TMPRSS12: variants seen among roughly 807,000 people sequenced by gnomAD.
TMPRSS12 encodes the protein transmembrane serine protease 12, also known as transmembrane protease serine 12.
A neutral mutation model predicts 26.0 loss-of-function variants in TMPRSS12; 25 were observed. The observed-to-expected ratio is 0.96, with a 90% CI of 0.70 to 1.34. The LOEUF is 1.34. Among genes scored for constraint, TMPRSS12 ranks in the 40% most tolerant of loss-of-function variants. The pLI is 0.00. For synonymous variants in TMPRSS12, 150 were observed against 161.7 expected (o/e 0.93, Z 0.55); for missense variants, 441 against 440.1 (o/e 1.00, Z -0.02).
Position 50,887,382 on chromosome 12 carries a change from C to A in TMPRSS12, c.916C>A (p.Pro306Thr). ...RRGFPGVYIG[P>T]SFYQKWLTEH... Reference sequence around the variant, plus strand: ...AGGTTTTCCTGGTGTCTATATTGGGCCATCCTTCTACCAAAAGTGGCTGAC... The same window carrying A: ...AGGTTTTCCTGGTGTCTATATTGGGACATCCTTCTACCAAAAGTGGCTGAC... Residue 306 changes from proline (P) to threonine (T), a missense_variant, in exon 5 of 5, where the codon CCA becomes ACA. By Grantham distance (38) the Pro-to-Thr change is conservative (BLOSUM62 -1). Transcript: ENST00000398458. 1.2e-6 allele frequency: 2 copies of A among 1,613,874 alleles called. No individual in the cohort carries two copies. Among genetic ancestry groups the A allele is most frequent in the South Asian group, 2.2e-5 (2 of 91,078 alleles).
chr12:50,885,251 G>T lies in TMPRSS12; in HGVS notation c.658G>T (p.Ala220Ser). The T allele has an allele frequency of 6.3e-7, 1 of 1,590,942 alleles. No homozygotes were observed. Among genetic ancestry groups the T allele is most frequent in the Middle Eastern group, 1.7e-4 (1 of 5,938 alleles). The change falls in exon 4 of 5, where the codon GCT becomes TCT. Residue 220 changes from alanine to serine, a missense_variant. Ala to Ser is a moderately conservative substitution (Grantham distance 99). Coordinates refer to ENST00000398458, the MANE Select transcript of TMPRSS12 (RefSeq NM_182559.3). ...GWGRTKEEGN[A>S]TNILQDAEVH... ...CTGGTATTTTTTGTTAACAGGTAAC[G>T]CTACAAATATTTTACAAGATGCAGA...
At chr12:50,850,575 G>T (rs1425216824) in intron 2 of TMPRSS12, among the ~76,000 whole-genome samples, 1 of 152,118 alleles carries the variant, frequency 6.6e-6, no homozygotes. Context: ...GCAAAACCCT[G>T]TCTAAAAAAA....
intron 3 of TMPRSS12, among the ~76,000 whole-genome samples, chr12:50,867,460 C>A (rs1258172072): frequency 6.6e-6 from 1 of 152,104 alleles, no homozygotes; most frequent in Non-Finnish European, 1.5e-5. Context: ...ACAAAGCCTC[C>A]AAGAAGTCTG....
chr12:50,849,796 A>T (rs997422509), intron 2 of TMPRSS12, among the ~76,000 whole-genome samples: 5 of 152,104 alleles, frequency 3.3e-5, no homozygotes, highest in Non-Finnish European at 7.4e-5. Context: ...ATTATTCTTA[A>T]AGTACAGTTC....
chr12:50,887,496 T>C lies in TMPRSS12; in HGVS notation c.1030T>C (p.Leu344=). ...CCTCATAGCTTTATGTTTTGTCATCTTACTAGCAACAACATAAAGAAATTC... is the reference window on the plus strand; with the variant it reads ...CCTCATAGCTTTATGTTTTGTCATCCTACTAGCAACAACATAAAGAAATTC... The part of the protein sequence containing the change: ...QILIALCFVI[L]LATT Residue 344 remains leucine (L), a synonymous_variant, in exon 5 of 5, where the codon TTA becomes CTA. Coordinates refer to ENST00000398458, the MANE Select transcript of TMPRSS12 (RefSeq NM_182559.3). The C allele has an allele frequency of 6.2e-7, 1 of 1,612,686 alleles. No homozygotes were observed. Among genetic ancestry groups the C allele is most frequent in the Non-Finnish European group, 8.5e-7 (1 of 1,179,400 alleles).
intron 3 of TMPRSS12, 21 bp downstream of exon 3, chr12:50,859,074 A>T: frequency 6.5e-7 from 1 of 1,539,800 alleles, no homozygotes; most frequent in Non-Finnish European, 8.7e-7. Flanking sequence ...TCTGAATTTT[A>T]CTGATACACA....
chr12:50,857,929 T>C (rs1245325227), intron 2 of TMPRSS12, among the ~76,000 whole-genome samples: 3 of 151,850 alleles, frequency 2.0e-5, no homozygotes. Context: ...CCCGGGTTCA[T>C]GCCATTCTCC....
rs753257718 is a variant in TMPRSS12 at position 50,843,124 on chromosome 12, C to CGGAG, written c.171_174dup (p.Ala59ArgfsTer13). ...GGCCGTCCGCAAGAGGCTCCGGCGG[C>CGGAG]GGAGGGAGGGAGGGGCGCATGCAGA... is the stretch of plus-strand genomic sequence containing the variant. On this transcript the variant is annotated frameshift_variant, in exon 1 of 5. Transcript: ENST00000398458. LOFTEE classifies it high-confidence loss of function. 1.3e-6 allele frequency: 2 copies of CGGAG among 1,565,520 alleles called. No homozygotes were observed. Among genetic ancestry groups the CGGAG allele is most frequent in the South Asian group, 1.2e-5 (1 of 84,756 alleles).
chr12:50,873,384 C>T (rs1489616928), intron 3 of TMPRSS12, among the ~76,000 whole-genome samples: 1 of 152,054 alleles, frequency 6.6e-6, no homozygotes, highest in Non-Finnish European at 1.5e-5. Flanking sequence ...GAAATATCTT[C>T]AAAATGCTGA....
intron 2 of TMPRSS12, among the ~76,000 whole-genome samples, chr12:50,858,400 G>T (rs1262461136): frequency 6.6e-6 from 1 of 152,040 alleles, no homozygotes; most frequent in East Asian, 1.9e-4. Flanking sequence ...AAATAGATTT[G>T]TACATTTAAA....
chr12:50,885,467 C>A lies in TMPRSS12; in HGVS notation c.795+79C>A, dbSNP rs1385642245. The A allele has an allele frequency of 2.0e-6, 3 of 1,521,302 alleles. No individual in the cohort carries two copies. In the South Asian group the frequency reaches 3.4e-5, roughly 17 times the overall value. The allele number at this position is 1,521,302 out of a possible 1,614,324, so 94.2% of individuals were successfully genotyped here. On this transcript the variant is annotated intron_variant, in intron 4 of 4. Coordinates refer to ENST00000398458, the MANE Select transcript of TMPRSS12 (RefSeq NM_182559.3). ...GTCAAACAAGGCCTTTGATAACTTTCTGGTGGTCTTAATTATCAGGCCTAA... is the reference window on the plus strand; with the variant it reads ...GTCAAACAAGGCCTTTGATAACTTTATGGTGGTCTTAATTATCAGGCCTAA...
intron 3 of TMPRSS12, among the ~76,000 whole-genome samples, chr12:50,881,979 AAAAAAAAAAAAAAAAAAAAATATAT>A (rs1464646359): frequency 3.8e-5 from 2 of 52,842 alleles, no homozygotes; most frequent in South Asian, 7.9e-4. Flanking sequence ...AAAAAAAAAA[AAAAAAAAAAAAAAAAAAAAATATAT>A]ATATATATAT....
chr12:50,882,035 ATATAT>A (rs1565938108), intron 3 of TMPRSS12, among the ~76,000 whole-genome samples: 4 of 119,060 alleles, frequency 3.4e-5, no homozygotes, highest in African/African-American at 9.4e-5. Flanking sequence ...ATATATATAT[ATATAT>A]ATGTTTATTT....
chr12:50,856,349 C>T (rs748425146), intron 2 of TMPRSS12, among the ~76,000 whole-genome samples: 3 of 152,134 alleles, frequency 2.0e-5, no homozygotes, highest in Middle Eastern at 3.2e-3. Flanking sequence ...AATGCCAGCA[C>T]GATGGTTCCT....
intron 3 of TMPRSS12, among the ~76,000 whole-genome samples, chr12:50,881,839 C>T (rs995389558): frequency 2.7e-5 from 4 of 149,850 alleles, no homozygotes; most frequent in Non-Finnish European, 5.9e-5. Context: ...GGCGTGGTGG[C>T]GTGAGCCTGT....
At chr12:50,847,092 T>G (rs1362399547) in intron 2 of TMPRSS12, among the ~76,000 whole-genome samples, 2 of 132,416 alleles carry the variant, frequency 1.5e-5, no homozygotes. Context: ...GGAGTCTCGC[T>G]CTGTTGCCCA....
chr12:50,872,519 C>CA (rs778372099), intron 3 of TMPRSS12, among the ~76,000 whole-genome samples: 3,486 of 39,724 alleles, frequency 0.088, 857 homozygotes, highest in African/African-American at 0.23. Context: ...GACTCCGTCT[C>CA]AAAAAAAAAA....
At position 50,887,418 on chromosome 12, in the gene TMPRSS12, T is replaced by C. The variant is rs1473383192; in HGVS notation, c.952T>C (p.Phe318Leu). Reference sequence around the variant, plus strand: ...CCAAAAGTGGCTGACAGAGCATTTCTTCCATGCAAGCACTCAAGGCATACT... The same window carrying C: ...CCAAAAGTGGCTGACAGAGCATTTCCTCCATGCAAGCACTCAAGGCATACT... ...FYQKWLTEHF[F>L]HASTQGILTI... The change falls in exon 5 of 5, where the codon TTC (phenylalanine) becomes CTC (leucine). Residue 318 changes from phenylalanine to leucine, a missense_variant. Phe to Leu is a conservative substitution (Grantham distance 22). Transcript: ENST00000398458. The C allele has an allele frequency of 6.2e-7, 1 of 1,613,972 alleles. No homozygotes were observed. Among genetic ancestry groups the C allele is most frequent in the South Asian group, 1.1e-5 (1 of 91,084 alleles).
intron 2 of TMPRSS12, among the ~76,000 whole-genome samples, chr12:50,855,395 G>T (rs188346532): frequency 6.6e-6 from 1 of 152,018 alleles, no homozygotes; most frequent in East Asian, 1.9e-4. Context: ...TAAAATGAGC[G>T]AAGGACATGA....
Sources: allele counts gnomAD v4.1 joint callset (sites outside exome capture counted in the v4.1 genomes callset), GRCh38; gene constraint gnomAD v4.1.1; transcripts MANE v1.5; gene names NCBI Gene and HGNC (gene_info 2026-07-23, HGNC 2026-07-21).